Variants in OCIAD1 observed in about 807,000 individuals in gnomAD.
OCIAD1 encodes the protein OCIA domain-containing protein 1.
Under a neutral mutation model 38.9 loss-of-function variants are expected in OCIAD1, and 29 were observed. The ratio of observed to expected loss-of-function variants is 0.74; its 90% CI spans 0.55 to 1.02. OCIAD1 has a LOEUF of 1.02. OCIAD1 is among the 50% of genes least tolerant of loss of function. OCIAD1 has a pLI of 0.00. For missense variants in OCIAD1, 288 were observed against 289.6 expected (o/e 0.99, Z 0.04); for synonymous variants, 110 against 92.0 (o/e 1.20, Z -1.12).
chr4:48,835,247 A>G (rs1048860677), intron 3 of OCIAD1, among the ~76,000 whole-genome samples: 6 of 152,046 alleles, frequency 3.9e-5, no homozygotes, highest in African/African-American at 1.4e-4. Context: ...AAGTAGTTTT[A>G]TATGTGGTGA....
At chr4:48,835,571 C>A (rs1306922642) in intron 3 of OCIAD1, among the ~76,000 whole-genome samples, 1 of 152,104 alleles carries the variant, frequency 6.6e-6, no homozygotes, top group Non-Finnish European at 1.5e-5. Flanking sequence ...TGGTGGCTCA[C>A]ACCTGTAATC....
intron 4 of OCIAD1, among the ~76,000 whole-genome samples, chr4:48,843,510 A>G (rs747217665): frequency 6.6e-6 from 1 of 152,212 alleles, no homozygotes; most frequent in African/African-American, 2.4e-5. Context: ...TTTTGACACA[A>G]TTAGTTGATA....
chr4:48,807,711 T>A (rs1035601902), intron 1 of OCIAD1, among the ~76,000 whole-genome samples: 24 of 152,304 alleles, frequency 1.6e-4, no homozygotes, highest in African/African-American at 5.3e-4. Context: ...AAATTTAGAT[T>A]CCTTCTTCTC....
intron 3 of OCIAD1, 61 bp from the exon 4 acceptor site, chr4:48,842,575 T>C: frequency 9.4e-7 from 1 of 1,059,998 alleles, no homozygotes; most frequent in Admixed American, 2.2e-5. Context: ...ATTTATCTAA[T>C]GAACTTTAGA....
At chr4:48,821,268 T>C (rs1777192103) in intron 1 of OCIAD1, among the ~76,000 whole-genome samples, 1 of 152,162 alleles carries the variant, frequency 6.6e-6, no homozygotes, top group Admixed American at 6.6e-5. Flanking sequence ...ATGAATGTAA[T>C]CCATCACATA....
intron 1 of OCIAD1, among the ~76,000 whole-genome samples, chr4:48,822,113 C>A (rs192266890): frequency 4.7e-4 from 71 of 152,302 alleles, no homozygotes; most frequent in African/African-American, 1.7e-3. Context: ...AAGAACAAAG[C>A]TGGAGGCATC....
chr4:48,820,136 A>G (rs1777180753), intron 1 of OCIAD1, among the ~76,000 whole-genome samples: 1 of 152,222 alleles, frequency 6.6e-6, no homozygotes, highest in Non-Finnish European at 1.5e-5. Flanking sequence ...TCTAAAATCG[A>G]TCACATAATT....
At chr4:48,856,153 T>TCAAC (rs1780022101) in intron 7 of OCIAD1, 1 of 152,116 alleles carries the variant, frequency 6.6e-6, no homozygotes, top group African/African-American at 2.4e-5. Flanking sequence ...TTTGATCCTG[T>TCAAC]CAACCAATAT....
At chr4:48,811,427 C>T (rs542588635) in intron 1 of OCIAD1, among the ~76,000 whole-genome samples, 42 of 152,334 alleles carry the variant, frequency 2.8e-4, no homozygotes, top group African/African-American at 1.0e-3. Context: ...TTCCTCCAGA[C>T]CTTATACTCC....
chr4:48,812,113 T>C (rs944694798), intron 1 of OCIAD1, among the ~76,000 whole-genome samples: 4 of 150,664 alleles, frequency 2.7e-5, no homozygotes, highest in African/African-American at 2.4e-5. Context: ...AAACCCTATC[T>C]CTACTAAAAA....
chr4:48,831,755 C>T (rs1429254013), intron 1 of OCIAD1, among the ~76,000 whole-genome samples: 2 of 152,054 alleles, frequency 1.3e-5, no homozygotes, highest in Admixed American at 6.5e-5. Flanking sequence ...TTCAGCTGAC[C>T]TTTTTTATTT....
intron 1 of OCIAD1, 117 bp from the exon 2 acceptor site, chr4:48,832,503 A>C: frequency 1.3e-6 from 1 of 759,356 alleles, no homozygotes; most frequent in Non-Finnish European, 2.3e-6. Context: ...TGTTTAATAA[A>C]TATTTGTTGA....
At chr4:48,822,509 A>C (rs1410882329) in intron 1 of OCIAD1, among the ~76,000 whole-genome samples, 1 of 152,224 alleles carries the variant, frequency 6.6e-6, no homozygotes, top group Non-Finnish European at 1.5e-5. Context: ...ACTAAAACAC[A>C]AAAGTAATCA....
At chr4:48,859,334 A>G (rs1780395194) in intron 8 of OCIAD1, among the ~76,000 whole-genome samples, 1 of 152,152 alleles carries the variant, frequency 6.6e-6, no homozygotes, top group South Asian at 2.1e-4. Flanking sequence ...GTAATATGTA[A>G]AGACTTGTCG....
chr4:48,840,895 T>C (rs1210919923), intron 3 of OCIAD1, among the ~76,000 whole-genome samples: 1 of 151,124 alleles, frequency 6.6e-6, no homozygotes, highest in African/African-American at 2.4e-5. Flanking sequence ...TGCATGCCTG[T>C]AGTCCCAACC....
intron 8 of OCIAD1, among the ~76,000 whole-genome samples, chr4:48,858,892 A>G (rs979835211): frequency 2.6e-5 from 4 of 152,202 alleles, no homozygotes; most frequent in Non-Finnish European, 4.4e-5. Context: ...TTTTTGATAC[A>G]AGTTTACCTC....
chr4:48,857,400 A>G lies in OCIAD1; in HGVS notation c.700+35A>G, dbSNP rs757888513. 9 of 1,395,514 alleles carry G rather than the reference A, an allele frequency of 6.4e-6. No homozygotes were observed. In the Admixed American group the frequency reaches 2.3e-4, roughly 36 times the overall value. The allele number at this position is 1,395,514 out of a possible 1,614,324, so 86.4% of individuals were successfully genotyped here. On this transcript the variant is annotated intron_variant, in intron 8 of 8. Transcript: ENST00000264312. ...TTTAGTCTGAATCACTTTACTGTTG[A>G]GGATTGGAAACTAAAACATTACTTT...
intron 1 of OCIAD1, among the ~76,000 whole-genome samples, chr4:48,821,207 C>T (rs1486049870): frequency 7.2e-5 from 11 of 152,186 alleles, no homozygotes; most frequent in African/African-American, 2.4e-4. Context: ...CCACCACGAT[C>T]AAGTCGACTT....
At chr4:48,852,509 G>A (rs1430732312) in intron 7 of OCIAD1, 2 of 152,260 alleles carry the variant, frequency 1.3e-5, no homozygotes, top group South Asian at 2.1e-4. Context: ...ACACATGTAA[G>A]TGCAACAACA....
Sources: gnomAD v4.1 joint callset for allele counts (sites outside exome capture counted in the v4.1 genomes callset) on GRCh38, gnomAD v4.1.1 for gene constraint, MANE v1.5 for transcripts, NCBI Gene and HGNC (gene_info 2026-07-23, HGNC 2026-07-21) for gene names.